Variants in MAGI1 observed in about 807,000 individuals in gnomAD.
The protein encoded by MAGI1 is membrane associated guanylate kinase, WW and PDZ domain containing 1, also known as membrane-associated guanylate kinase, WW and PDZ domain-containing protein 1.
A neutral mutation model predicts 139.9 loss-of-function variants in MAGI1; 58 were observed. The ratio of observed to expected loss-of-function variants is 0.41; its 90% CI spans 0.34 to 0.52. The LOEUF is 0.52. Ranked by LOEUF, MAGI1 falls within the 20% of genes least tolerant of loss-of-function variation. The probability of loss-of-function intolerance (pLI) is 0.12; values close to 1 mark genes in which losing one functional copy is unlikely to be tolerated. For synonymous variants in MAGI1, 812 were observed against 737.9 expected (o/e 1.10, Z -1.63); for missense variants, 1,874 against 1,901.6 (o/e 0.99, Z 0.27).
chr3:66,026,733 G>A (rs2068284067), intron 1 of MAGI1, among the ~76,000 whole-genome samples: 1 of 152,006 alleles, frequency 6.6e-6, no homozygotes, highest in African/African-American at 2.4e-5. Context: ...GAGAAGAGGA[G>A]ATGGCGGCAA....
At chr3:65,583,297 T>C (rs926703795) in intron 2 of MAGI1, among the ~76,000 whole-genome samples, 5 of 152,102 alleles carry the variant, frequency 3.3e-5, no homozygotes, top group African/African-American at 1.2e-4. Flanking sequence ...ATTTTGAAAG[T>C]CTTCTAACCT....
In MAGI1 at chr3:65,548,511, C is replaced by CTTTTTTTTTTTTTTTTTTTTTTTTTTTT. The variant is rs1170215972; in HGVS notation, c.431-54908_431-54881dup. 5.7e-5 allele frequency among the ~76,000 whole-genome samples: 5 copies of CTTTTTTTTTTTTTTTTTTTTTTTTTTTT among 87,386 alleles called. 2 individuals carry two copies. Among genetic ancestry groups the CTTTTTTTTTTTTTTTTTTTTTTTTTTTT allele is most frequent in the African/African-American group, 1.9e-4 (4 of 21,266 alleles). The allele number at this position is 87,386 out of a possible 152,430, so 57.3% of individuals were successfully genotyped here. A position where few individuals can be genotyped will look rare whatever the true frequency, so the allele number is the denominator to read the frequency against. Reference sequence around the variant, plus strand: ...AGCCCAGCTTTATGCAAACAACACTCTTTTTTTTTTTTTTTTTTTTTTTTT... The same window carrying CTTTTTTTTTTTTTTTTTTTTTTTTTTTT: ...AGCCCAGCTTTATGCAAACAACACTCTTTTTTTTTTTTTTTTTTTTTTTTTTTTTTTTTTTTTTTTTTTTTTTTTTTTT... On this transcript the variant is annotated intron_variant, in intron 2 of 22. Transcript: ENST00000402939.
At position 65,359,989 on chromosome 3, in the gene MAGI1, ATGT is replaced by A. The variant is rs1481701322; in HGVS notation, c.3634+1207_3634+1209del. The stretch of plus-strand genomic sequence containing the variant: ...TACAGTGCACAGCCACGGCATCTTA[ATGT>A]TGTCAAAATACTTCCCCTGTGGTTG... On this transcript the variant is annotated intron_variant, in intron 22 of 22. Coordinates refer to ENST00000402939, the MANE Select transcript of MAGI1 (RefSeq NM_001033057.2). 4 of 985,268 alleles carry A rather than the reference ATGT, an allele frequency of 4.1e-6. No individual in the cohort carries two copies. The African/African-American group carries it at 5.2e-5, about 13-fold the overall frequency. The allele number at this position is 985,268 out of a possible 1,614,324, so 61.0% of individuals were successfully genotyped here.
chr3:65,997,386 G>A (rs1286980435), intron 1 of MAGI1, among the ~76,000 whole-genome samples: 1 of 152,198 alleles, frequency 6.6e-6, no homozygotes, highest in African/African-American at 2.4e-5. Context: ...GCCAGGCGCG[G>A]TGGCTCACGC....
chr3:66,037,903 C>T, intron 1 of MAGI1, 93 bp downstream of exon 1: 1 of 1,507,196 alleles, frequency 6.6e-7, no homozygotes, highest in East Asian at 2.3e-5. Flanking sequence ...TCACTGCGCT[C>T]CGAGGAGGGA....
At chr3:65,869,367 TTTG>T (rs200952901) in intron 1 of MAGI1, among the ~76,000 whole-genome samples, 34,432 of 118,284 alleles carry the variant, frequency 0.29, 4,553 homozygotes, top group Admixed American at 0.4. Context: ...AGACTGGTTT[TTTG>T]TTGTTGTTGT....
At chr3:65,917,011 A>G (rs901826845) in intron 1 of MAGI1, among the ~76,000 whole-genome samples, 14 of 152,172 alleles carry the variant, frequency 9.2e-5, no homozygotes, top group Non-Finnish European at 1.9e-4. Flanking sequence ...GTGTTTTCTT[A>G]TATTTTAAAT....
At chr3:65,595,074 C>T (rs775953852) in intron 2 of MAGI1, among the ~76,000 whole-genome samples, 5 of 152,170 alleles carry the variant, frequency 3.3e-5, no homozygotes, top group Admixed American at 1.3e-4. Context: ...CAATTAAGCA[C>T]GGTGTTTAGC....
intron 2 of MAGI1, among the ~76,000 whole-genome samples, chr3:65,501,110 CTCAAA>C (rs2077062649): frequency 6.6e-6 from 1 of 152,072 alleles, no homozygotes; most frequent in African/African-American, 2.4e-5. Context: ...ATATCTATCC[CTCAAA>C]TCAAACTGCC....
At chr3:65,653,293 C>T (rs1258109418) in intron 1 of MAGI1, among the ~76,000 whole-genome samples, 2 of 152,138 alleles carry the variant, frequency 1.3e-5, no homozygotes, top group Non-Finnish European at 2.9e-5. Flanking sequence ...CACTACTAGA[C>T]CATTACAGAA....
At chr3:65,909,038 TC>T (rs1289793515) in intron 1 of MAGI1, among the ~76,000 whole-genome samples, 1 of 152,190 alleles carries the variant, frequency 6.6e-6, no homozygotes, top group Non-Finnish European at 1.5e-5. Context: ...TAATGCCAAT[TC>T]CATGCACAAT....
At chr3:65,404,893 C>G (rs1222532092) in intron 12 of MAGI1, among the ~76,000 whole-genome samples, 1 of 152,196 alleles carries the variant, frequency 6.6e-6, no homozygotes, top group East Asian at 1.9e-4. Flanking sequence ...GACAAGCAAA[C>G]ACTTTGTATG....
At chr3:65,518,626 T>C (rs1369937782) in intron 2 of MAGI1, among the ~76,000 whole-genome samples, 1 of 152,162 alleles carries the variant, frequency 6.6e-6, no homozygotes, top group Non-Finnish European at 1.5e-5. Flanking sequence ...TTATGAGACA[T>C]TGTTATAGTC....
At chr3:65,961,807 TC>T (rs2064439566) in intron 1 of MAGI1, among the ~76,000 whole-genome samples, 2 of 152,106 alleles carry the variant, frequency 1.3e-5, no homozygotes, top group African/African-American at 2.4e-5. Context: ...CCATTCCTCT[TC>T]CCCCAACCTT....
intron 1 of MAGI1, among the ~76,000 whole-genome samples, chr3:65,693,801 G>T (rs1326760456): frequency 6.6e-6 from 1 of 152,044 alleles, no homozygotes; most frequent in Non-Finnish European, 1.5e-5. Flanking sequence ...TTGACTCACT[G>T]CAACTTCTAC....
intron 2 of MAGI1, among the ~76,000 whole-genome samples, chr3:65,527,374 G>T (rs2078433979): frequency 6.6e-6 from 1 of 152,194 alleles, no homozygotes; most frequent in African/African-American, 2.4e-5. Context: ...GAGGTTAGGA[G>T]TTGGAGACCA....
chr3:65,547,691 T>A (rs1303113294), intron 2 of MAGI1, among the ~76,000 whole-genome samples: 1 of 152,108 alleles, frequency 6.6e-6, no homozygotes, highest in East Asian at 1.9e-4. Flanking sequence ...TCTGTTTATC[T>A]GTTTAGTGGG....
At chr3:65,546,597 A>G (rs540027400) in intron 2 of MAGI1, among the ~76,000 whole-genome samples, 3 of 152,340 alleles carry the variant, frequency 2.0e-5, no homozygotes, top group Non-Finnish European at 2.9e-5. Context: ...AAACCACATC[A>G]GAGAAGATAT....
At chr3:65,903,916 G>A (rs1002443801) in intron 1 of MAGI1, among the ~76,000 whole-genome samples, 2 of 151,944 alleles carry the variant, frequency 1.3e-5, no homozygotes, top group African/African-American at 2.4e-5. Context: ...GCTGATGCAG[G>A]AGAATCGCTT....
Sources: gnomAD v4.1 joint callset for allele counts (sites outside exome capture counted in the v4.1 genomes callset) on GRCh38, gnomAD v4.1.1 for gene constraint, MANE v1.5 for transcripts, NCBI Gene and HGNC (gene_info 2026-07-23, HGNC 2026-07-21) for gene names.